Variants in ZNRF3 observed in about 807,000 individuals in gnomAD.
ZNRF3 encodes the protein E3 ubiquitin-protein ligase ZNRF3.
ZNRF3 carries 23 observed loss-of-function variants against 72.5 expected under a neutral mutation model. That is an observed-to-expected ratio of 0.32 (90% CI 0.23 to 0.45). ZNRF3 has a LOEUF of 0.45. Among genes scored for constraint, ZNRF3 ranks in the 20% least tolerant of loss-of-function variants. The pLI is 1.00. For missense variants in ZNRF3, 1,169 were observed against 1,272.1 expected, an observed-to-expected ratio of 0.92 and a Z score of 1.23; for synonymous variants, 610 against 545.3, an observed-to-expected ratio of 1.12 and a Z score of -1.65.
rs1184390505 is a variant in ZNRF3, at chr22:29,018,263, G to A, written c.427-24232G>A. On this transcript the variant is annotated intron_variant, in intron 2 of 8. Transcript: ENST00000544604. The stretch of plus-strand genomic sequence containing the variant: ...ATTACAGGGTAGCAGGGATGCAAAG[G>A]GAGAGCCCACTTGAAAATGATTCTT... The A allele has an allele frequency of 9.1e-5, 24 of 263,148 alleles. No homozygotes were observed. The Admixed American group carries it at 1.1e-3, about 12-fold the overall frequency. The allele number at this position is 263,148 out of a possible 1,614,324, so 16.3% of individuals were successfully genotyped here.
At chr22:28,932,187 G>C (rs997783275) in intron 1 of ZNRF3, among the ~76,000 whole-genome samples, 4 of 152,214 alleles carry the variant, frequency 2.6e-5, no homozygotes, top group Non-Finnish European at 4.4e-5. Context: ...TGAAGAAGAG[G>C]TCTGTGTGAT....
intron 2 of ZNRF3, among the ~76,000 whole-genome samples, chr22:29,008,070 C>A (rs543467164): frequency 1.3e-5 from 2 of 152,210 alleles, no homozygotes; most frequent in African/African-American, 4.8e-5. Flanking sequence ...AATTCTATTT[C>A]TTTCCTTTTT....
intron 1 of ZNRF3, among the ~76,000 whole-genome samples, chr22:28,890,760 C>G (rs74277910): frequency 0.033 from 4,902 of 148,466 alleles, 232 homozygotes; most frequent in East Asian, 0.25. Context: ...CTTTCTCTCT[C>G]TCTCTCTTTT....
chr22:28,895,418 G>A (rs899130167), intron 1 of ZNRF3, among the ~76,000 whole-genome samples: 1 of 152,190 alleles, frequency 6.6e-6, no homozygotes, highest in Non-Finnish European at 1.5e-5. Flanking sequence ...GGTGGCTCAC[G>A]CCTGTAATCC....
chr22:28,973,231 T>C (rs2035608318), intron 1 of ZNRF3, among the ~76,000 whole-genome samples: 4 of 152,178 alleles, frequency 2.6e-5, no homozygotes, highest in Non-Finnish European at 5.9e-5. Context: ...CCTCCTACCT[T>C]GGCCTCCCAA....
chr22:29,028,845 G>C (rs1432893323), intron 2 of ZNRF3, among the ~76,000 whole-genome samples: 5 of 152,188 alleles, frequency 3.3e-5, no homozygotes, highest in African/African-American at 1.2e-4. Flanking sequence ...GACCAAGCAG[G>C]GGGGCCGTGC....
At position 29,050,327 on chromosome 22, in the gene ZNRF3, C is replaced by T. The variant is rs767295907; in HGVS notation, c.2146C>T (p.Pro716Ser). The T allele has an allele frequency of 2.5e-6, 4 of 1,600,070 alleles. No homozygotes were observed. The highest frequency in any genetic ancestry group is 2.5e-6 in the Non-Finnish European group (3 of 1,177,056). ...GCCGTCGTGTGCCTGCTGCTGCGAGCCCCAGCCCTCCCCAGCCGGGCCTAG... is the reference window on the plus strand; with the variant it reads ...GCCGTCGTGTGCCTGCTGCTGCGAGTCCCAGCCCTCCCCAGCCGGGCCTAG... ...ELPSCACCCEPQPSPAGPSAG... is the reference protein window; with the variant it reads ...ELPSCACCCESQPSPAGPSAG... The change falls in exon 8 of 9, where the codon CCC becomes TCC. Residue 716 changes from proline to serine, a missense_variant. Physicochemically the swap from Pro to Ser is moderately conservative, Grantham distance 74. This residue lies in a region of ZNRF3 where 783 missense variants were observed against 731.4 expected (regional missense o/e 1.07). Transcript: ENST00000544604.
chr22:28,926,627 AC>A (rs896083011), intron 1 of ZNRF3, among the ~76,000 whole-genome samples: 25 of 149,982 alleles, frequency 1.7e-4, no homozygotes, highest in Admixed American at 3.3e-4. Context: ...GGCCAGTGAA[AC>A]CCCATCTCTA....
At chr22:29,010,661 G>T (rs1258057102) in intron 2 of ZNRF3, among the ~76,000 whole-genome samples, 4 of 152,026 alleles carry the variant, frequency 2.6e-5, no homozygotes, top group African/African-American at 9.7e-5. Context: ...ATACACAAAA[G>T]TTTTTTCTCA....
rs755997678 is a variant in ZNRF3 at position 29,049,844 on chromosome 22, A to AGCAGCT, written c.1664_1669dup (p.Ser556_Ser557insCysSer). The AGCAGCT allele has an allele frequency of 6.2e-7, 1 of 1,608,944 alleles. No homozygotes were observed. Among genetic ancestry groups the AGCAGCT allele is most frequent in the South Asian group, 1.1e-5 (1 of 90,574 alleles). ...CCCAGGCAGCGACAGCAGCAGCAGC[A>AGCAGCT]GCAGCTCCGGCCAGTGCCACTGTTC... On this transcript the variant is annotated inframe_insertion, in exon 8 of 9. Transcript: ENST00000544604. The surrounding 1 kb of genome is among the most constrained non-coding windows in gnomAD (Gnocchi z 5.2).
Position 29,028,179 on chromosome 22 carries a change from A to G in ZNRF3, c.427-14316A>G, listed in dbSNP as rs73172443. Among the ~76,000 whole-genome samples the G allele has an allele frequency of 5.3e-3, 802 of 152,348 alleles. 7 individuals carry two copies. The highest frequency in any genetic ancestry group is 8.7e-3 in the Non-Finnish European group (592 of 68,024). On this transcript the variant is annotated intron_variant, in intron 2 of 8. Transcript: ENST00000544604. ...AAAGTTGTAGTGTTTGTGAACTTGC[A>G]TTGGCTACAATGGCAATGAATATAA... is the stretch of plus-strand genomic sequence containing the variant.
At chr22:29,014,540 G>A (rs1337512017) in intron 2 of ZNRF3, among the ~76,000 whole-genome samples, 5 of 152,204 alleles carry the variant, frequency 3.3e-5, no homozygotes, top group African/African-American at 1.2e-4. Flanking sequence ...CAGCCTCCTA[G>A]CTGCACTTAA....
At chr22:28,991,829 C>T (rs913667191) in intron 2 of ZNRF3, among the ~76,000 whole-genome samples, 8 of 152,012 alleles carry the variant, frequency 5.3e-5, no homozygotes, top group Non-Finnish European at 8.8e-5. Context: ...CTTTTGTCTT[C>T]GCCAGTTTTT....
intron 1 of ZNRF3, among the ~76,000 whole-genome samples, chr22:28,911,170 A>G (rs132541): frequency 0.84 from 127,044 of 152,044 alleles, 54,194 homozygotes; most frequent in East Asian, 0.95. Flanking sequence ...GTCTGGGGAC[A>G]GAAGTGTAAG....
At chr22:28,904,250 G>A (rs2034163095) in intron 1 of ZNRF3, among the ~76,000 whole-genome samples, 1 of 152,134 alleles carries the variant, frequency 6.6e-6, no homozygotes, top group African/African-American at 2.4e-5. Flanking sequence ...GTTCTTTTAC[G>A]TTGCAGGCTT....
intron 8 of ZNRF3, 54 bp from the exon 9 acceptor site, chr22:29,053,525 T>C (rs1344034105): frequency 1.6e-5 from 25 of 1,581,754 alleles, no homozygotes; most frequent in Non-Finnish European, 2.2e-5. Flanking sequence ...CCTTGCCTGG[T>C]CCCATGTGTG....
rs1302273519 is a variant in ZNRF3 at position 28,899,695 on chromosome 22, T to C, written c.300+15629T>C. Among the ~76,000 whole-genome samples, 3 of 148,174 alleles carry C rather than the reference T, an allele frequency of 2.0e-5. 1 individual carries two copies. Among genetic ancestry groups the C allele is most frequent in the Non-Finnish European group, 4.5e-5 (3 of 66,880 alleles). On this transcript the variant is annotated intron_variant, in intron 1 of 8. Transcript: ENST00000544604. ...TTTCTTTTCTTCTTTCTTTCTTTCTTTTTTTTTTTTTTTTAAGACAGTCTC... is the reference window on the plus strand; with the variant it reads ...TTTCTTTTCTTCTTTCTTTCTTTCTCTTTTTTTTTTTTTTAAGACAGTCTC...
rs575594442 is a variant in ZNRF3 at position 28,885,528 on chromosome 22, G to A, written c.300+1462G>A. Reference sequence around the variant, plus strand: ...AAGTCTTGCTCCTTGGCAACTTCTTGTCTTTCTTTGAGGCTTTCATTGTGT... The same window carrying A: ...AAGTCTTGCTCCTTGGCAACTTCTTATCTTTCTTTGAGGCTTTCATTGTGT... On this transcript the variant is annotated intron_variant, in intron 1 of 8. Coordinates refer to ENST00000544604, the MANE Select transcript of ZNRF3 (RefSeq NM_001206998.2). Among the ~76,000 whole-genome samples the A allele has an allele frequency of 7.7e-4, 104 of 134,370 alleles. 1 individual carries two copies. Among genetic ancestry groups the A allele is most frequent in the Non-Finnish European group, 1.4e-3 (92 of 64,512 alleles). 88.2% of individuals were successfully genotyped at this position (134,370 alleles called of 152,430 possible). A position where few individuals can be genotyped will look rare whatever the true frequency, so the allele number is the denominator to read the frequency against.
chr22:28,906,180 A>G (rs1262677361), intron 1 of ZNRF3, among the ~76,000 whole-genome samples: 1 of 152,200 alleles, frequency 6.6e-6, no homozygotes, highest in Non-Finnish European at 1.5e-5. Context: ...TTTAAAAATT[A>G]ACTGAGTGTA....
Sources: gnomAD v4.1 joint callset for allele counts (sites outside exome capture counted in the v4.1 genomes callset) on GRCh38, gnomAD v4.1.1 for gene constraint, gnomAD v4.1.1 regional missense constraint, Gnocchi (gnomAD v3.1) non-coding constraint, MANE v1.5 for transcripts, NCBI Gene and HGNC (gene_info 2026-07-23, HGNC 2026-07-21) for gene names.